ABLIM1: variants seen among roughly 807,000 people sequenced by gnomAD.
The protein encoded by ABLIM1 is actin binding LIM protein 1.
A neutral mutation model predicts 107.0 loss-of-function variants in ABLIM1; 40 were observed. The ratio of observed to expected loss-of-function variants is 0.37; its 90% CI spans 0.29 to 0.49. The LOEUF is 0.49. Among genes scored for constraint, ABLIM1 ranks in the 20% least tolerant of loss-of-function variants. The pLI is 0.97. For synonymous variants in ABLIM1, 357 were observed against 357.3 expected, an observed-to-expected ratio of 1.00 and a Z score of 0.01; for missense variants, 857 against 1,008.5, an observed-to-expected ratio of 0.85 and a Z score of 2.04.
intron 1 of ABLIM1, among the ~76,000 whole-genome samples, chr10:114,626,514 G>C (rs980941834): frequency 1.3e-5 from 2 of 151,998 alleles, no homozygotes; most frequent in Admixed American, 1.3e-4. Context: ...CCCAACACTG[G>C]CTTAAGGTCT....
In ABLIM1 at chr10:114,441,065, C is replaced by T. The variant is rs1472650832; in HGVS notation, c.2011G>A (p.Asp671Asn). The change falls in exon 19 of 23, where the codon GAC (aspartate) becomes AAC (asparagine). Residue 671 changes from aspartate (D) to asparagine (N), a missense_variant. Around this residue, in one of 5 missense-constraint regions of ABLIM1, gnomAD observed 193 missense variants for 208.5 expected, o/e 0.93. Transcript: ENST00000533213. Reference protein sequence around the residue: ...RNGLHRPVSTDFAQYNSYGDV... With the variant: ...RNGLHRPVSTNFAQYNSYGDV... ...CCATAGCTGTTATACTGAGCGAAGT[C>T]GGTAGAAACAGGCTGAAATGAGGAA... 6 of 1,584,526 alleles carry T rather than the reference C, an allele frequency of 3.8e-6. No homozygotes were observed. The African/African-American group carries it at 4.0e-5, about 11-fold the overall frequency.
intron 8 of ABLIM1, among the ~76,000 whole-genome samples, chr10:114,481,488 G>A (rs561577731): frequency 6.6e-6 from 1 of 151,996 alleles, no homozygotes; most frequent in East Asian, 1.9e-4. Flanking sequence ...CCTGCCTTGG[G>A]TTTTTGTTGA....
At chr10:114,483,264 A>G (rs529489749) in intron 8 of ABLIM1, among the ~76,000 whole-genome samples, 1 of 152,204 alleles carries the variant, frequency 6.6e-6, no homozygotes, top group African/African-American at 2.4e-5. Flanking sequence ...ATGCTGCTGT[A>G]TCTGTCCATT....
At chr10:114,540,439 AGCCGCTGGTGCTCGG>A (rs2066515810) in intron 6 of ABLIM1, among the ~76,000 whole-genome samples, 1 of 152,146 alleles carries the variant, frequency 6.6e-6, no homozygotes, top group Non-Finnish European at 1.5e-5. Flanking sequence ...TTTTCAACTG[AGCCGCTGGTGCTCGG>A]GCCCGTCTCC....
chr10:114,439,954 T>A, intron 20 of ABLIM1, 128 bp downstream of exon 20: 1 of 1,497,620 alleles, frequency 6.7e-7, no homozygotes, highest in African/African-American at 1.4e-5. Flanking sequence ...TATAGAGTAA[T>A]GACTAGAGAG....
intron 2 of ABLIM1, among the ~76,000 whole-genome samples, chr10:114,580,005 T>C (rs968663137): frequency 1.3e-5 from 2 of 152,120 alleles, no homozygotes; most frequent in East Asian, 1.9e-4. Context: ...CCCTTTCCTA[T>C]TGATGAAAGG....
chr10:114,490,417 C>T (rs1196334319), intron 7 of ABLIM1, among the ~76,000 whole-genome samples: 2 of 152,140 alleles, frequency 1.3e-5, no homozygotes, highest in African/African-American at 2.4e-5. Context: ...TTTCTGTAGA[C>T]TTTCCTAAGT....
chr10:114,656,143 G>A (rs1442713593), intron 1 of ABLIM1, among the ~76,000 whole-genome samples: 1 of 151,970 alleles, frequency 6.6e-6, no homozygotes, highest in African/African-American at 2.4e-5. Context: ...GGTGGCACAT[G>A]CCGGTAATCC....
intron 1 of ABLIM1, among the ~76,000 whole-genome samples, chr10:114,634,767 TCA>T: frequency 6.6e-6 from 1 of 152,244 alleles, no homozygotes; most frequent in South Asian, 2.1e-4. Flanking sequence ...TAAGTAATAG[TCA>T]CACGGCAAAA....
At chr10:114,517,576 T>G (rs913955669) in intron 6 of ABLIM1, among the ~76,000 whole-genome samples, 1 of 152,126 alleles carries the variant, frequency 6.6e-6, no homozygotes, top group Non-Finnish European at 1.5e-5. Context: ...TAGGAACGAA[T>G]TCAAGGCATC....
At chr10:114,507,916 C>G in intron 6 of ABLIM1, among the ~76,000 whole-genome samples, 1 of 152,162 alleles carries the variant, frequency 6.6e-6, no homozygotes, top group East Asian at 1.9e-4. Flanking sequence ...TCCAGGTACT[C>G]CAAGGCAAAG....
At chr10:114,452,831 T>C (rs2139691652) in intron 13 of ABLIM1, among the ~76,000 whole-genome samples, 1 of 152,308 alleles carries the variant, frequency 6.6e-6, no homozygotes, top group Non-Finnish European at 1.5e-5. Flanking sequence ...CAAGCCTAAA[T>C]TGCAAGATAT....
At chr10:114,556,698 G>T (rs1425963658) in intron 4 of ABLIM1, among the ~76,000 whole-genome samples, 2 of 152,188 alleles carry the variant, frequency 1.3e-5, no homozygotes, top group Admixed American at 6.5e-5. Flanking sequence ...GGTCTAGCAA[G>T]TGTATATTGT....
the ABLIM1 span, among the ~76,000 whole-genome samples, chr10:114,789,023 G>A: frequency 1.9e-4 from 29 of 152,142 alleles, no homozygotes; most frequent in Admixed American, 7.2e-4. Flanking sequence ...TTGGGAGGCC[G>A]AGGTGGGCGG....
At chr10:114,535,787 A>T (rs949181112) in intron 6 of ABLIM1, among the ~76,000 whole-genome samples, 34 of 152,192 alleles carry the variant, frequency 2.2e-4, no homozygotes, top group African/African-American at 8.2e-4. Context: ...ACCCTTGAAC[A>T]GCGTGGGTTT....
At chr10:114,452,722 T>C (rs569289919) in intron 13 of ABLIM1, among the ~76,000 whole-genome samples, 1 of 152,340 alleles carries the variant, frequency 6.6e-6, no homozygotes, top group Admixed American at 6.5e-5. Context: ...ATTAAGATAT[T>C]ATATTAATGG....
At chr10:114,631,805 C>A in intron 1 of ABLIM1, 1 of 1,238,120 alleles carries the variant, frequency 8.1e-7, no homozygotes, top group Non-Finnish European at 1.1e-6. Context: ...AACATGTCCG[C>A]CCGGCTTTCG....
At position 114,510,476 on chromosome 10, in the gene ABLIM1, A is replaced by G. The variant is rs11196772; in HGVS notation, c.895-18598T>C. Reference sequence around the variant, plus strand: ...AGCAGATTTTTCCCCACTAGACTTTAATTTCTTGGGAACAAGGACATTGTC... The same window carrying G: ...AGCAGATTTTTCCCCACTAGACTTTGATTTCTTGGGAACAAGGACATTGTC... On this transcript the variant is annotated intron_variant, in intron 6 of 22. Transcript: ENST00000533213. Among the ~76,000 whole-genome samples, 4 of 152,094 alleles carry G rather than the reference A, an allele frequency of 2.6e-5. No individual in the cohort carries two copies. In the East Asian group the frequency reaches 7.7e-4, roughly 29 times the overall value.
intron 1 of ABLIM1, among the ~76,000 whole-genome samples, chr10:114,692,600 T>TA: frequency 6.6e-6 from 1 of 151,480 alleles, no homozygotes; most frequent in African/African-American, 2.4e-5. Context: ...AATAATAGAG[T>TA]AAAAAAACGG....
Sources: allele counts gnomAD v4.1 joint callset (sites outside exome capture counted in the v4.1 genomes callset), GRCh38; gene constraint gnomAD v4.1.1; regional missense constraint gnomAD v4.1.1; transcripts MANE v1.5; gene names NCBI Gene and HGNC (gene_info 2026-07-23, HGNC 2026-07-21).